The following SPATA17 variants were observed in gnomAD, a reference collection of about 807,000 sequenced individuals.
The protein encoded by SPATA17 is spermatogenesis-associated protein 17.
SPATA17 carries 53 observed loss-of-function variants against 62.2 expected under a neutral mutation model. That is an observed-to-expected ratio of 0.85 (90% CI 0.68 to 1.07). SPATA17 has a LOEUF of 1.07. SPATA17 is among the 50% of genes least tolerant of loss of function. The pLI is 0.00. For synonymous variants in SPATA17, 146 were observed against 146.8 expected (o/e 0.99, Z 0.04); for missense variants, 466 against 425.5 (o/e 1.10, Z -0.84).
Position 217,738,738 on chromosome 1 carries a change from G to A in SPATA17, c.396-3237G>A, listed in dbSNP as rs540884802. Reference sequence around the variant, plus strand: ...AAGCCAAGGCTGGTGGATTACCTGAGGTCAGGAGTTTGAGACCAGCCTGGC... The same window carrying A: ...AAGCCAAGGCTGGTGGATTACCTGAAGTCAGGAGTTTGAGACCAGCCTGGC... On this transcript the variant is annotated intron_variant, in intron 5 of 10. Transcript: ENST00000366933. Among the ~76,000 whole-genome samples the A allele has an allele frequency of 7.2e-4, 109 of 152,312 alleles. 1 individual carries two copies. The highest frequency in any genetic ancestry group is 2.1e-3 in the African/African-American group (89 of 41,564).
chr1:217,650,977 A>C (rs78808439), intron 2 of SPATA17, 120 bp from the exon 3 acceptor site: 19 of 701,256 alleles, frequency 2.7e-5, no homozygotes, highest in Non-Finnish European at 4.7e-5. Flanking sequence ...ACTGTTTAAA[A>C]GTGCACATAA....
At chr1:217,842,337 A>C (rs1462653371) in intron 9 of SPATA17, among the ~76,000 whole-genome samples, 1 of 151,988 alleles carries the variant, frequency 6.6e-6, no homozygotes, top group South Asian at 2.1e-4. Flanking sequence ...CAATTTGGGT[A>C]GTTTTCCCTC....
intron 6 of SPATA17, among the ~76,000 whole-genome samples, chr1:217,772,666 G>T (rs1027154486): frequency 1.3e-5 from 2 of 152,108 alleles, no homozygotes; most frequent in African/African-American, 4.8e-5. Context: ...GTTTTCACGG[G>T]CCTTTCTGAA....
At position 217,713,120 on chromosome 1, in the gene SPATA17, G is replaced by A. The variant is rs1054213150; in HGVS notation, c.396-28855G>A. 5.9e-5 allele frequency among the ~76,000 whole-genome samples: 9 copies of A among 152,218 alleles called. No individual in the cohort carries two copies. The East Asian group carries it at 1.2e-3, about 20-fold the overall frequency. ...ACAATCTGCAGAGTTCATCTTTCTC[G>A]GTCACAGTGTAGGGCAGAGGAGTAT... On this transcript the variant is annotated intron_variant, in intron 5 of 10. Transcript: ENST00000366933.
At chr1:217,829,380 T>C (rs1319332266) in intron 9 of SPATA17, among the ~76,000 whole-genome samples, 1 of 151,622 alleles carries the variant, frequency 6.6e-6, no homozygotes, top group African/African-American at 2.4e-5. Context: ...GTAATCCCAG[T>C]GCTTTGGGAG....
intron 8 of SPATA17, among the ~76,000 whole-genome samples, chr1:217,800,462 C>T (rs1206414603): frequency 6.6e-6 from 1 of 151,266 alleles, no homozygotes; most frequent in African/African-American, 2.5e-5. Flanking sequence ...CTTAGCATTC[C>T]TCTGTACGTG....
At chr1:217,857,383 A>G (rs915037481) in intron 9 of SPATA17, among the ~76,000 whole-genome samples, 1 of 151,918 alleles carries the variant, frequency 6.6e-6, no homozygotes, top group Non-Finnish European at 1.5e-5. Context: ...ACTTCCAAAG[A>G]CTCCTAAATT....
intron 6 of SPATA17, among the ~76,000 whole-genome samples, chr1:217,754,178 T>C (rs1187538389): frequency 1.3e-5 from 2 of 152,030 alleles, no homozygotes; most frequent in South Asian, 2.1e-4. Flanking sequence ...GAGGCTGCAG[T>C]GAGCCATGAT....
intron 3 of SPATA17, among the ~76,000 whole-genome samples, chr1:217,666,163 C>G (rs373925054): frequency 3.9e-5 from 6 of 152,018 alleles, no homozygotes; most frequent in African/African-American, 1.4e-4. Context: ...GACTTGATAT[C>G]TTGATGATAA....
In SPATA17 at chr1:217,664,547, A is replaced by C. The variant is rs557317976; in HGVS notation, c.241-4486A>C. On this transcript the variant is annotated intron_variant, in intron 3 of 10. Coordinates refer to ENST00000366933, the MANE Select transcript of SPATA17 (RefSeq NM_138796.4). ...TGACCTCCAGTGATCTGCCCACCTC[A>C]GCCTCCCAAAATGCTGGGAATACAG... Among the ~76,000 whole-genome samples the C allele has an allele frequency of 9.2e-5, 14 of 152,064 alleles. No homozygotes were observed. The South Asian group carries it at 2.1e-3, about 23-fold the overall frequency.
intron 5 of SPATA17, among the ~76,000 whole-genome samples, chr1:217,698,736 G>GCAGT (rs1439099626): frequency 6.6e-6 from 1 of 152,116 alleles, no homozygotes; most frequent in Non-Finnish European, 1.5e-5. Context: ...GTGTCTGTGT[G>GCAGT]TAGTTAGGTC....
chr1:217,849,428 T>A (rs1397442696), intron 9 of SPATA17, among the ~76,000 whole-genome samples: 3 of 152,192 alleles, frequency 2.0e-5, no homozygotes, highest in African/African-American at 7.2e-5. Context: ...TTCTTTGCCT[T>A]GTTCTCTGTG....
At chr1:217,849,891 G>A (rs992659444) in intron 9 of SPATA17, among the ~76,000 whole-genome samples, 1 of 152,148 alleles carries the variant, frequency 6.6e-6, no homozygotes, top group African/African-American at 2.4e-5. Context: ...CTGGGTTTAA[G>A]TAGGAAAAAT....
Position 217,771,792 on chromosome 1 carries a change from A to G in SPATA17, c.520-2542A>G, listed in dbSNP as rs1571795283. On this transcript the variant is annotated intron_variant, in intron 6 of 10. Transcript: ENST00000366933. ...ATAATTTAAGAAAGCTATCATGTCT[A>G]CTGATCCATTTGCATTTCCCATCTA... Among the ~76,000 whole-genome samples, 3 of 152,310 alleles carry G rather than the reference A, an allele frequency of 2.0e-5. No homozygotes were observed. The South Asian group carries it at 6.2e-4, about 32-fold the overall frequency.
At chr1:217,816,301 A>G (rs1472397911) in intron 9 of SPATA17, among the ~76,000 whole-genome samples, 1 of 151,762 alleles carries the variant, frequency 6.6e-6, no homozygotes, top group Non-Finnish European at 1.5e-5. Context: ...TAATTATTTT[A>G]TATTTTTAGT....
chr1:217,707,470 G>C (rs1319552839), intron 5 of SPATA17, among the ~76,000 whole-genome samples: 1 of 152,154 alleles, frequency 6.6e-6, no homozygotes, highest in Non-Finnish European at 1.5e-5. Context: ...ATGTTGAGTA[G>C]GAGTGGTGAG....
At chr1:217,716,986 C>A (rs921071440) in intron 5 of SPATA17, among the ~76,000 whole-genome samples, 7 of 152,128 alleles carry the variant, frequency 4.6e-5, no homozygotes, top group African/African-American at 1.4e-4. Flanking sequence ...AAAATAATGG[C>A]GGATCTAGAG....
intron 9 of SPATA17, among the ~76,000 whole-genome samples, chr1:217,854,347 C>A (rs926949907): frequency 6.6e-6 from 1 of 152,068 alleles, no homozygotes; most frequent in Admixed American, 6.6e-5. Flanking sequence ...AAATAAGGAA[C>A]CTGTGAATAG....
chr1:217,747,050 C>T (rs1672774995), intron 6 of SPATA17, among the ~76,000 whole-genome samples: 1 of 151,964 alleles, frequency 6.6e-6, no homozygotes, highest in African/African-American at 2.4e-5. Context: ...GGGATTAGCA[C>T]CCTTATTAAA....
Sources: allele counts gnomAD v4.1 joint callset (sites outside exome capture counted in the v4.1 genomes callset), GRCh38; gene constraint gnomAD v4.1.1; transcripts MANE v1.5; gene names NCBI Gene and HGNC (gene_info 2026-07-23, HGNC 2026-07-21).